The following NPAS3 variants were observed in gnomAD, a reference collection of about 807,000 sequenced individuals.
NPAS3 encodes neuronal PAS domain-containing protein 3.
A neutral mutation model predicts 73.1 loss-of-function variants in NPAS3; 14 were observed. The observed-to-expected ratio is 0.19, with a 90% CI of 0.13 to 0.30. The LOEUF (loss-of-function observed/expected upper bound fraction) is 0.30. NPAS3 is among the 10% of genes least tolerant of loss of function. The probability of loss-of-function intolerance (pLI) is 1.00; values close to 1 mark genes in which losing one functional copy is unlikely to be tolerated. For missense variants in NPAS3, 1,096 were observed against 1,250.0 expected (o/e 0.88, Z 1.86); for synonymous variants, 620 against 541.5 (o/e 1.14, Z -2.01).
chr14:33,739,334 A>G (rs2061599876), intron 7 of NPAS3, among the ~76,000 whole-genome samples: 1 of 152,176 alleles, frequency 6.6e-6, no homozygotes, highest in South Asian at 2.1e-4. Context: ...AAACTAAATG[A>G]CTTCTGAAAT....
At chr14:33,572,026 T>C (rs1050128284) in intron 5 of NPAS3, among the ~76,000 whole-genome samples, 6 of 152,224 alleles carry the variant, frequency 3.9e-5, no homozygotes, top group Non-Finnish European at 4.4e-5. Context: ...TATTTCATTT[T>C]CTAGAATAAA....
intron 4 of NPAS3, among the ~76,000 whole-genome samples, chr14:33,532,309 G>T (rs548929174): frequency 6.6e-6 from 1 of 151,930 alleles, no homozygotes; most frequent in South Asian, 2.1e-4. Context: ...TCCTTTCTTT[G>T]GTCTCTGTCG....
chr14:33,746,725 G>A (rs2061811417), intron 7 of NPAS3, among the ~76,000 whole-genome samples: 1 of 151,638 alleles, frequency 6.6e-6, no homozygotes, highest in Non-Finnish European at 1.5e-5. Context: ...TAAACAGTAG[G>A]TGAAAAAACA....
intron 1 of NPAS3, among the ~76,000 whole-genome samples, chr14:33,038,676 A>G (rs2040252455): frequency 6.6e-6 from 1 of 152,190 alleles, no homozygotes; most frequent in Non-Finnish European, 1.5e-5. Context: ...TTGGGTACGC[A>G]CACTGGAAAA....
At chr14:33,220,748 C>T (rs922134022) in intron 3 of NPAS3, among the ~76,000 whole-genome samples, 2 of 152,132 alleles carry the variant, frequency 1.3e-5, no homozygotes, top group African/African-American at 4.8e-5. Flanking sequence ...TTATCTAACT[C>T]AGCATGAAAA....
At chr14:32,976,230 G>A (rs1166210177) in intron 1 of NPAS3, among the ~76,000 whole-genome samples, 1 of 152,120 alleles carries the variant, frequency 6.6e-6, no homozygotes, top group Non-Finnish European at 1.5e-5. Context: ...GCGAGGTGGT[G>A]GGGACAGTTA....
chr14:33,110,423 G>A (rs1261454137), intron 2 of NPAS3, among the ~76,000 whole-genome samples: 1 of 152,138 alleles, frequency 6.6e-6, no homozygotes, highest in African/African-American at 2.4e-5. Context: ...TTTTACAATA[G>A]GACTTCTTAA....
chr14:33,124,422 C>T (rs975813323), intron 2 of NPAS3, among the ~76,000 whole-genome samples: 17 of 152,258 alleles, frequency 1.1e-4, no homozygotes, highest in Middle Eastern at 3.4e-3. Context: ...TACACCATCA[C>T]TCTGTGTCTT....
intron 3 of NPAS3, among the ~76,000 whole-genome samples, chr14:33,337,728 T>C (rs2044292658): frequency 6.6e-6 from 1 of 152,100 alleles, no homozygotes; most frequent in African/African-American, 2.4e-5. Flanking sequence ...GGCATATCTC[T>C]TATTTATTTA....
chr14:33,725,823 G>A (rs1247562145), intron 6 of NPAS3, among the ~76,000 whole-genome samples: 1 of 152,102 alleles, frequency 6.6e-6, no homozygotes, highest in African/African-American at 2.4e-5. Flanking sequence ...CCCTACACAG[G>A]CTGTTTCATG....
intron 4 of NPAS3, among the ~76,000 whole-genome samples, chr14:33,448,266 G>A (rs527804948): frequency 4.6e-5 from 7 of 152,240 alleles, no homozygotes; most frequent in African/African-American, 1.7e-4. Context: ...GATCCTCTAA[G>A]AAGAACATAT....
At chr14:33,685,799 G>C (rs1279002197) in intron 6 of NPAS3, among the ~76,000 whole-genome samples, 1 of 152,106 alleles carries the variant, frequency 6.6e-6, no homozygotes, top group Non-Finnish European at 1.5e-5. Flanking sequence ...GGGCATTTAT[G>C]AGTAATTTAT....
chr14:33,398,891 C>T (rs2138713875), intron 4 of NPAS3, among the ~76,000 whole-genome samples: 2 of 152,034 alleles, frequency 1.3e-5, no homozygotes, highest in Middle Eastern at 3.4e-3. Context: ...TTCTAAGGGG[C>T]TCCTGAGGTT....
chr14:32,945,252 C>A (rs992203585), intron 1 of NPAS3, among the ~76,000 whole-genome samples: 13 of 151,832 alleles, frequency 8.6e-5, no homozygotes, highest in Non-Finnish European at 1.9e-4. Flanking sequence ...ATTAGAGGCT[C>A]CTGGAGGACA....
chr14:33,714,897 A>G (rs952546806), intron 6 of NPAS3, among the ~76,000 whole-genome samples: 4 of 152,218 alleles, frequency 2.6e-5, no homozygotes, highest in African/African-American at 9.6e-5. Context: ...AAGTGATGCT[A>G]CAGAAAAAAG....
chr14:33,501,300 A>G (rs2052501158), intron 4 of NPAS3, among the ~76,000 whole-genome samples: 1 of 151,952 alleles, frequency 6.6e-6, no homozygotes, highest in Admixed American at 6.6e-5. Context: ...TTATGGTGGT[A>G]GCCTGCACAG....
At chr14:33,184,590 G>T (rs2045918430) in intron 2 of NPAS3, among the ~76,000 whole-genome samples, 1 of 152,166 alleles carries the variant, frequency 6.6e-6, no homozygotes, top group African/African-American at 2.4e-5. Flanking sequence ...GGGTGACAAA[G>T]GAGTTAGGGG....
At chr14:33,574,903 G>A (rs1265675383) in intron 5 of NPAS3, among the ~76,000 whole-genome samples, 1 of 152,194 alleles carries the variant, frequency 6.6e-6, no homozygotes, top group Non-Finnish European at 1.5e-5. Context: ...TGGTAAAGGT[G>A]AAACCAGAAC....
rs568363535 is a variant in NPAS3, at chr14:33,453,970, G to A, written c.468+86702G>A. Among the ~76,000 whole-genome samples the A allele has an allele frequency of 1.1e-4, 16 of 152,324 alleles. No homozygotes were observed. In the East Asian group the frequency reaches 1.2e-3, roughly 11 times the overall value. On this transcript the variant is annotated intron_variant, in intron 4 of 11. Coordinates refer to ENST00000356141, the Ensembl canonical transcript of NPAS3. ...CTCCCAAAGTGCTGGGAACACAGGC[G>A]TGAGCCACCATGACCAGCCCTTTTT...
Sources: gnomAD v4.1 joint callset for allele counts (sites outside exome capture counted in the v4.1 genomes callset) on GRCh38, gnomAD v4.1.1 for gene constraint, MANE v1.5 for transcripts, NCBI Gene and HGNC (gene_info 2026-07-23, HGNC 2026-07-21) for gene names.